The following DPP6 variants were observed in gnomAD, a reference collection of about 807,000 sequenced individuals.
The protein encoded by DPP6 is dipeptidyl peptidase like 6, also known as A-type potassium channel modulatory protein DPP6.
Under a neutral mutation model 122.6 loss-of-function variants are expected in DPP6, and 69 were observed. The ratio of observed to expected loss-of-function variants is 0.56; its 90% CI spans 0.46 to 0.69. The LOEUF is 0.69. Among genes scored for constraint, DPP6 ranks in the 30% least tolerant of loss-of-function variants. The probability of loss-of-function intolerance (pLI) is 0.00; values close to 1 mark genes in which losing one functional copy is unlikely to be tolerated. For synonymous variants in DPP6, 418 were observed against 433.1 expected, an observed-to-expected ratio of 0.97 and a Z score of 0.43; for missense variants, 928 against 1,116.9, an observed-to-expected ratio of 0.83 and a Z score of 2.41.
chr7:153,812,967 T>C, the DPP6 span, among the ~76,000 whole-genome samples: 2 of 152,116 alleles, frequency 1.3e-5, no homozygotes, highest in African/African-American at 4.8e-5. Flanking sequence ...AGATGGGTCA[T>C]TGAGGGTATA....
At chr7:154,459,876 T>C (rs1821140515) in intron 2 of DPP6, among the ~76,000 whole-genome samples, 1 of 151,104 alleles carries the variant, frequency 6.6e-6, no homozygotes, top group Non-Finnish European at 1.5e-5. Context: ...ATAATCCTTT[T>C]ATAATTATTT....
chr7:154,536,611 A>T (rs1204392052), intron 3 of DPP6, among the ~76,000 whole-genome samples: 1 of 152,152 alleles, frequency 6.6e-6, no homozygotes, highest in African/African-American at 2.4e-5. Flanking sequence ...CACATATAAT[A>T]AACAGCAAAA....
intron 1 of DPP6, among the ~76,000 whole-genome samples, chr7:154,365,770 G>A (rs767913177): frequency 4.0e-5 from 6 of 151,874 alleles, no homozygotes; most frequent in Admixed American, 6.6e-5. Flanking sequence ...TGACTAACAC[G>A]CCACGGTGAA....
In DPP6 at chr7:154,570,783, A is replaced by G. The variant is rs575451502; in HGVS notation, c.627+3867A>G. On this transcript the variant is annotated intron_variant, in intron 5 of 25. Coordinates refer to ENST00000377770, the MANE Select transcript of DPP6 (RefSeq NM_130797.4). ...ACTATGCCAACCCTATGTTTTTTTG[A>G]GAGCTTTAAAAGTAGCCTTTAAAAA... is the stretch of plus-strand genomic sequence containing the variant. Among the ~76,000 whole-genome samples the G allele has an allele frequency of 1.2e-4, 18 of 152,304 alleles. No homozygotes were observed. In the East Asian group the frequency reaches 3.3e-3, roughly 28 times the overall value.
chr7:154,324,913 T>G (rs1213921748), intron 1 of DPP6, among the ~76,000 whole-genome samples: 1 of 143,396 alleles, frequency 7.0e-6, no homozygotes, highest in Non-Finnish European at 1.5e-5. Flanking sequence ...CTGGATGGAG[T>G]GCAATGGCAC....
the DPP6 span, among the ~76,000 whole-genome samples, chr7:153,786,757 A>G: frequency 2.8e-5 from 4 of 142,178 alleles, no homozygotes; most frequent in African/African-American, 1.0e-4. Context: ...AAAAAAAAAA[A>G]AAAAAGATAT....
chr7:154,812,967 A>C (rs1799163487), intron 16 of DPP6, among the ~76,000 whole-genome samples: 1 of 152,070 alleles, frequency 6.6e-6, no homozygotes, highest in Non-Finnish European at 1.5e-5. Context: ...TTTATGTTTT[A>C]TGTTTATAAT....
At chr7:153,993,511 G>A (rs1797286487) in intron 1 of DPP6, among the ~76,000 whole-genome samples, 1 of 152,188 alleles carries the variant, frequency 6.6e-6, no homozygotes, top group African/African-American at 2.4e-5. Flanking sequence ...ATCAACCTCG[G>A]CAGCAAATGA....
chr7:154,293,994 C>T (rs895086153), intron 1 of DPP6, among the ~76,000 whole-genome samples: 3 of 152,186 alleles, frequency 2.0e-5, no homozygotes, highest in Non-Finnish European at 4.4e-5. Context: ...TATGGAGTCC[C>T]TACTAGATGT....
At chr7:153,882,699 C>T (rs977430809), upstream of DPP6, among the ~76,000 whole-genome samples, 5 of 152,154 alleles carry the variant, frequency 3.3e-5, no homozygotes, top group African/African-American at 1.2e-4. Flanking sequence ...TAAACACATG[C>T]CAGGAGTCAA....
intron 1 of DPP6, among the ~76,000 whole-genome samples, chr7:154,369,631 G>A (rs1056762805): frequency 3.3e-5 from 5 of 152,200 alleles, no homozygotes; most frequent in Non-Finnish European, 7.3e-5. Flanking sequence ...CTCCCAAAGT[G>A]CTGGGATTAC....
At position 154,763,168 on chromosome 7, in the gene DPP6, C is replaced by G. The variant is rs573472130; in HGVS notation, c.884-6249C>G. ...CCAACATGGTGAAACCCCGTCTCTA[C>G]TAAAAATACAGAAATTAGCTGGGTG... On this transcript the variant is annotated intron_variant, in intron 8 of 25. Transcript: ENST00000377770. 4.6e-5 allele frequency among the ~76,000 whole-genome samples: 7 copies of G among 152,284 alleles called. No homozygotes were observed. In the East Asian group the frequency reaches 1.4e-3, roughly 29 times the overall value.
chr7:154,759,158 C>T (rs1470308660), intron 8 of DPP6, among the ~76,000 whole-genome samples: 1 of 152,212 alleles, frequency 6.6e-6, no homozygotes. Flanking sequence ...TCACCCCTCG[C>T]CACCACCCCG....
intron 1 of DPP6, among the ~76,000 whole-genome samples, chr7:154,144,205 C>G (rs529109725): frequency 6.6e-6 from 1 of 151,970 alleles, no homozygotes; most frequent in Non-Finnish European, 1.5e-5. Flanking sequence ...TCATTTAGCC[C>G]TGGTATTTGG....
intron 7 of DPP6, among the ~76,000 whole-genome samples, chr7:154,680,797 C>T (rs755919227): frequency 1.1e-4 from 17 of 152,154 alleles, no homozygotes; most frequent in East Asian, 1.9e-4. Context: ...AAAGAAGAGG[C>T]GCTTTTTGCA....
the DPP6 span, among the ~76,000 whole-genome samples, chr7:153,836,130 C>T: frequency 2.0e-5 from 3 of 152,220 alleles, no homozygotes; most frequent in Non-Finnish European, 4.4e-5. Flanking sequence ...GTAACATGAA[C>T]ATTTATACGT....
intron 1 of DPP6, among the ~76,000 whole-genome samples, chr7:154,388,911 T>C (rs2151160418): frequency 6.6e-6 from 1 of 152,356 alleles, no homozygotes; most frequent in South Asian, 2.1e-4. Flanking sequence ...GTATGTCTTA[T>C]TTCCCAGTGA....
At chr7:154,619,013 G>A (rs1237433786) in intron 5 of DPP6, among the ~76,000 whole-genome samples, 11 of 152,108 alleles carry the variant, frequency 7.2e-5, no homozygotes, top group African/African-American at 2.7e-4. Context: ...AAGATCTGAT[G>A]GTTTTATAAA....
At chr7:154,055,024 A>G (rs1800694097) in intron 1 of DPP6, among the ~76,000 whole-genome samples, 1 of 151,890 alleles carries the variant, frequency 6.6e-6, no homozygotes, top group East Asian at 1.9e-4. Context: ...AATCAGGGAT[A>G]TAACATGTAC....
Sources: gnomAD v4.1 joint callset for allele counts (sites outside exome capture counted in the v4.1 genomes callset) on GRCh38, gnomAD v4.1.1 for gene constraint, MANE v1.5 for transcripts, NCBI Gene and HGNC (gene_info 2026-07-23, HGNC 2026-07-21) for gene names.